PDLIM5: variants seen among roughly 807,000 people sequenced by gnomAD.
The protein encoded by PDLIM5 is PDZ and LIM domain protein 5.
PDLIM5 carries 34 observed loss-of-function variants against 64.2 expected under a neutral mutation model. The observed-to-expected ratio is 0.53, with a 90% CI of 0.40 to 0.71. PDLIM5 has a LOEUF of 0.71. Among genes scored for constraint, PDLIM5 ranks in the 30% least tolerant of loss-of-function variants. PDLIM5 has a pLI of 0.00. For synonymous variants in PDLIM5, 253 were observed against 269.1 expected, an observed-to-expected ratio of 0.94 and a Z score of 0.59; for missense variants, 683 against 733.6, an observed-to-expected ratio of 0.93 and a Z score of 0.80.
intron 2 of PDLIM5, among the ~76,000 whole-genome samples, chr4:94,499,873 C>T (rs962207063): frequency 1.8e-4 from 28 of 152,252 alleles, no homozygotes; most frequent in African/African-American, 6.3e-4. Flanking sequence ...GTTGCAGGCT[C>T]GTTATGAGAA....
chr4:94,616,396 A>AT (rs1738788441), intron 7 of PDLIM5, among the ~76,000 whole-genome samples: 1 of 152,192 alleles, frequency 6.6e-6, no homozygotes. Context: ...TTTATACATA[A>AT]TTATCTTATT....
intron 2 of PDLIM5, among the ~76,000 whole-genome samples, chr4:94,501,366 G>A (rs1022305754): frequency 9.9e-5 from 15 of 152,144 alleles, no homozygotes; most frequent in Non-Finnish European, 1.5e-4. Flanking sequence ...TCACAGGCGT[G>A]AGCTACTGTA....
intron 3 of PDLIM5, among the ~76,000 whole-genome samples, chr4:94,571,995 C>T (rs1734847552): frequency 6.6e-6 from 1 of 152,178 alleles, no homozygotes; most frequent in African/African-American, 2.4e-5. Context: ...ATTCTCAGTG[C>T]TTGCCATAGC....
intron 7 of PDLIM5, among the ~76,000 whole-genome samples, chr4:94,593,741 C>T (rs1209642554): frequency 6.6e-6 from 1 of 152,188 alleles, no homozygotes; most frequent in Non-Finnish European, 1.5e-5. Context: ...ATAACATACA[C>T]TAACTGTCTT....
At chr4:94,458,233 G>T (rs1451070746) in intron 2 of PDLIM5, among the ~76,000 whole-genome samples, 1 of 151,958 alleles carries the variant, frequency 6.6e-6, no homozygotes, top group African/African-American at 2.4e-5. Flanking sequence ...TAAAATTACT[G>T]GGATATTACT....
intron 8 of PDLIM5, among the ~76,000 whole-genome samples, chr4:94,635,259 G>A (rs1349664319): frequency 6.6e-6 from 1 of 152,126 alleles, no homozygotes; most frequent in Non-Finnish European, 1.5e-5. Context: ...GTAGAGATTA[G>A]CCATAAAAGA....
intron 1 of PDLIM5, among the ~76,000 whole-genome samples, chr4:94,452,970 C>T (rs1271688995): frequency 2.6e-5 from 4 of 152,174 alleles, no homozygotes; most frequent in Admixed American, 2.0e-4. Flanking sequence ...GAAAGAGAAT[C>T]TCAAGATATT....
intron 3 of PDLIM5, among the ~76,000 whole-genome samples, chr4:94,532,944 A>G (rs1462217418): frequency 6.6e-6 from 1 of 152,210 alleles, no homozygotes; most frequent in Non-Finnish European, 1.5e-5. Flanking sequence ...CAGAGGTTGC[A>G]GTGAGCTGAG....
rs1329417337 is a variant in PDLIM5 at position 94,667,908 on chromosome 4, T to C, written c.*3841T>C. 6.6e-6 allele frequency: 1 copy of C among 152,160 alleles called. No homozygotes were observed. The highest frequency in any genetic ancestry group is 1.9e-4 in the East Asian group (1 of 5,204). 9.4% of individuals were successfully genotyped at this position (152,160 alleles called of 1,614,324 possible). A position where few individuals can be genotyped will look rare whatever the true frequency, so the allele number is the denominator to read the frequency against. On this transcript the variant is annotated 3_prime_UTR_variant, in exon 13 of 13. Transcript: ENST00000317968. ...TTAACATTTGTGTGGCATTTGGAGT[T>C]TGTCATCCCCATTGAAGGGAGAGCC...
chr4:94,474,195 T>C (rs920862749), intron 2 of PDLIM5, among the ~76,000 whole-genome samples: 6 of 152,212 alleles, frequency 3.9e-5, no homozygotes, highest in Non-Finnish European at 8.8e-5. Flanking sequence ...CTTGGGAAAC[T>C]TTGGTGTCAT....
At chr4:94,642,703 C>T (rs535379500) in intron 9 of PDLIM5, among the ~76,000 whole-genome samples, 27 of 152,014 alleles carry the variant, frequency 1.8e-4, no homozygotes, top group Middle Eastern at 6.8e-3. Flanking sequence ...CAGCTTGAAT[C>T]GATTGTGGTC....
intron 7 of PDLIM5, among the ~76,000 whole-genome samples, chr4:94,600,539 A>G (rs1258880322): frequency 6.6e-6 from 1 of 152,188 alleles, no homozygotes; most frequent in East Asian, 1.9e-4. Flanking sequence ...CTTTATCCCG[A>G]ATCTGAAAAA....
intron 3 of PDLIM5, among the ~76,000 whole-genome samples, chr4:94,562,545 G>A (rs915892740): frequency 3.3e-5 from 5 of 152,128 alleles, no homozygotes; most frequent in Non-Finnish European, 7.4e-5. Flanking sequence ...TTGAGAATAA[G>A]CATTTAGGAA....
chr4:94,477,736 C>T (rs935142112), intron 2 of PDLIM5, among the ~76,000 whole-genome samples: 4 of 152,064 alleles, frequency 2.6e-5, no homozygotes, highest in East Asian at 1.9e-4. Flanking sequence ...ATAAAAGTTA[C>T]ACCAACTGTG....
At chr4:94,636,725 C>T (rs895266880) in intron 8 of PDLIM5, among the ~76,000 whole-genome samples, 3 of 151,838 alleles carry the variant, frequency 2.0e-5, no homozygotes, top group Admixed American at 6.6e-5. Flanking sequence ...TTAGTAGAGA[C>T]GGGGTTTCAC....
At chr4:94,463,608 T>G (rs957056786) in intron 2 of PDLIM5, among the ~76,000 whole-genome samples, 27 of 151,798 alleles carry the variant, frequency 1.8e-4, no homozygotes, top group African/African-American at 6.5e-4. Context: ...GTAGGTTAGG[T>G]GGAGGTGGAA....
chr4:94,507,164 A>G (rs566391633), intron 2 of PDLIM5, among the ~76,000 whole-genome samples: 2 of 152,014 alleles, frequency 1.3e-5, no homozygotes, highest in African/African-American at 2.4e-5. Context: ...CAGATGGCCT[A>G]TCGTGGGACT....
chr4:94,594,327 T>G (rs1736898684), intron 7 of PDLIM5, among the ~76,000 whole-genome samples: 1 of 152,170 alleles, frequency 6.6e-6, no homozygotes, highest in African/African-American at 2.4e-5. Context: ...AGCATGGTGA[T>G]TCCCATGAGG....
In PDLIM5 at chr4:94,665,768, T is replaced by C; in HGVS notation, c.*1701T>C. On this transcript the variant is annotated 3_prime_UTR_variant, in exon 13 of 13. Transcript: ENST00000317968. The stretch of plus-strand genomic sequence containing the variant: ...AATTGAGACTTTTTGTGGTTTTCTC[T>C]CAATAATAAGTGAACCAATTTCAAA... 8.0e-7 allele frequency: 1 copy of C among 1,250,750 alleles called. No individual in the cohort carries two copies. Among genetic ancestry groups the C allele is most frequent in the Non-Finnish European group, 1.0e-6 (1 of 998,574 alleles). The allele number at this position is 1,250,750 out of a possible 1,614,324, so 77.5% of individuals were successfully genotyped here.
Sources: gnomAD v4.1 joint callset for allele counts (sites outside exome capture counted in the v4.1 genomes callset) on GRCh38, gnomAD v4.1.1 for gene constraint, MANE v1.5 for transcripts, NCBI Gene and HGNC (gene_info 2026-07-23, HGNC 2026-07-21) for gene names.